The following EYS variants were observed in gnomAD, a reference collection of about 807,000 sequenced individuals.
The protein encoded by EYS is EGF-like photoreceptor maintenance factor, also known as protein eyes shut homolog.
In EYS, 250 loss-of-function variants were observed where a neutral mutation model predicts 282.1. The observed-to-expected ratio is 0.89, with a 90% CI of 0.80 to 0.98. EYS has a LOEUF of 0.98. Among genes scored for constraint, EYS ranks in the 50% least tolerant of loss-of-function variants. EYS has a pLI of 0.00. For synonymous variants in EYS, 1,355 were observed against 1,282.9 expected (o/e 1.06, Z -1.20); for missense variants, 4,016 against 3,709.0 (o/e 1.08, Z -2.15).
intron 30 of EYS, among the ~76,000 whole-genome samples, chr6:64,278,068 G>A (rs1194479035): frequency 2.0e-5 from 3 of 152,110 alleles, no homozygotes; most frequent in African/African-American, 7.2e-5. Flanking sequence ...CTATGTCAAA[G>A]AAGCTGTAGT....
intron 12 of EYS, among the ~76,000 whole-genome samples, chr6:65,208,928 C>T (rs565478350): frequency 1.3e-5 from 2 of 151,890 alleles, no homozygotes; most frequent in African/African-American, 2.4e-5. Context: ...TCACGTGCAT[C>T]CTGAATAAAA....
At chr6:64,088,020 G>A (rs1227750997) in intron 31 of EYS, among the ~76,000 whole-genome samples, 1 of 152,020 alleles carries the variant, frequency 6.6e-6, no homozygotes, top group Non-Finnish European at 1.5e-5. Flanking sequence ...CCTGTTTTCA[G>A]TGCTGACAGG....
Position 64,349,875 on chromosome 6 carries a change from G to A in EYS, c.6078+38815C>T, listed in dbSNP as rs145385118. ...GAGTAAAATATGTAGTTTTTTTCCCGTTTTGAAATATCTACTTGAAGAAGT... is the reference window on the plus strand; with the variant it reads ...GAGTAAAATATGTAGTTTTTTTCCCATTTTGAAATATCTACTTGAAGAAGT... On this transcript the variant is annotated intron_variant, in intron 29 of 42. Coordinates refer to ENST00000503581, the MANE Select transcript of EYS (RefSeq NM_001142800.2). Among the ~76,000 whole-genome samples the A allele has an allele frequency of 5.6e-3, 851 of 151,426 alleles. 2 individuals carry two copies. Among genetic ancestry groups the A allele is most frequent in the African/African-American group, 6.7e-3 (277 of 41,436 alleles).
intron 2 of EYS, among the ~76,000 whole-genome samples, chr6:65,561,485 AT>A (rs1272008499): frequency 2.6e-5 from 4 of 151,898 alleles, no homozygotes; most frequent in East Asian, 1.9e-4. Context: ...TATCTCTTAC[AT>A]TTTTTGTTGA....
chr6:64,369,544 T>C (rs984347692), intron 29 of EYS, among the ~76,000 whole-genome samples: 8 of 152,174 alleles, frequency 5.3e-5, no homozygotes, highest in Non-Finnish European at 7.4e-5. Context: ...TCTATGAGCA[T>C]GGAATGTGTT....
chr6:64,742,409 A>G (rs905905397), intron 22 of EYS, among the ~76,000 whole-genome samples: 2 of 152,218 alleles, frequency 1.3e-5, no homozygotes, highest in African/African-American at 4.8e-5. Flanking sequence ...AAATTACCAA[A>G]AAGTGACCCA....
Position 65,015,870 on chromosome 6 carries a change from TAAAAAAAAAAA to T in EYS, c.2138-18178_2138-18168del, listed in dbSNP as rs776971479. Among the ~76,000 whole-genome samples the T allele has an allele frequency of 7.7e-5, 4 of 52,032 alleles. No homozygotes were observed. The Admixed American group carries it at 8.5e-4, about 11-fold the overall frequency. The allele number at this position is 52,032 out of a possible 152,430, so 34.1% of individuals were successfully genotyped here. A position where few individuals can be genotyped will look rare whatever the true frequency, so the allele number is the denominator to read the frequency against. Reference sequence around the variant, plus strand: ...CAACATGGTGAAACCTCGTCTCTACTAAAAAAAAAAAAAAAAAAAAAAAAATTAGCTGGGCA... The same window carrying T: ...CAACATGGTGAAACCTCGTCTCTACTAAAAAAAAAAAAAATTAGCTGGGCA... On this transcript the variant is annotated intron_variant, in intron 13 of 42. Transcript: ENST00000503581.
intron 30 of EYS, among the ~76,000 whole-genome samples, chr6:64,266,400 A>G (rs1320167077): frequency 6.6e-6 from 1 of 152,058 alleles, no homozygotes; most frequent in African/African-American, 2.4e-5. Flanking sequence ...CCCAAAACTA[A>G]AAAAACCCGA....
rs571765464 is a variant in EYS, at chr6:64,082,791, G to T, written c.6425-789C>A. 3.3e-5 allele frequency among the ~76,000 whole-genome samples: 5 copies of T among 151,760 alleles called. No individual in the cohort carries two copies. The South Asian group carries it at 1.0e-3, about 31-fold the overall frequency. Reference sequence around the variant, plus strand: ...CACATAAAATTTAAAACATTTCATTGTTATAGATCTATATTCATATCTATT... The same window carrying T: ...CACATAAAATTTAAAACATTTCATTTTTATAGATCTATATTCATATCTATT... On this transcript the variant is annotated intron_variant, in intron 31 of 42. Coordinates refer to ENST00000503581, the MANE Select transcript of EYS (RefSeq NM_001142800.2).
intron 30 of EYS, among the ~76,000 whole-genome samples, chr6:64,239,789 T>C (rs1218593996): frequency 6.6e-6 from 1 of 152,208 alleles, no homozygotes; most frequent in Non-Finnish European, 1.5e-5. Flanking sequence ...TTAGCTTTTG[T>C]TGCTGTTGCT....
chr6:65,297,634 T>C (rs767270063), intron 11 of EYS, among the ~76,000 whole-genome samples: 1 of 152,130 alleles, frequency 6.6e-6, no homozygotes, highest in African/African-American at 2.4e-5. Flanking sequence ...TGCAAAATTC[T>C]CAGCTGCACA....
chr6:64,978,842 A>C (rs901732057), intron 14 of EYS, among the ~76,000 whole-genome samples: 3 of 151,924 alleles, frequency 2.0e-5, no homozygotes, highest in African/African-American at 7.2e-5. Context: ...AACTAGAATT[A>C]GAAGTGGAGC....
chr6:65,108,306 AT>A (rs67302229), intron 12 of EYS, among the ~76,000 whole-genome samples: 68,686 of 151,550 alleles, frequency 0.45, 16,158 homozygotes, highest in African/African-American at 0.53. Flanking sequence ...TACGCACTTT[AT>A]TTTTTTTGAG....
intron 13 of EYS, among the ~76,000 whole-genome samples, chr6:65,037,872 T>A (rs1381354918): frequency 1.3e-5 from 2 of 151,812 alleles, no homozygotes; most frequent in East Asian, 3.9e-4. Context: ...TATGTTTCTA[T>A]GCCTGTGTAT....
intron 29 of EYS, among the ~76,000 whole-genome samples, chr6:64,378,965 C>T (rs934300480): frequency 6.6e-6 from 1 of 152,142 alleles, no homozygotes; most frequent in Non-Finnish European, 1.5e-5. Flanking sequence ...TAACTAGATA[C>T]TGTTCAGTTT....
At chr6:65,059,905 T>G (rs1287305881) in intron 12 of EYS, among the ~76,000 whole-genome samples, 1 of 152,030 alleles carries the variant, frequency 6.6e-6, no homozygotes, top group Non-Finnish European at 1.5e-5. Context: ...CTTCTAAATT[T>G]CTGGTGAAGT....
At chr6:65,223,856 C>T (rs558253266) in intron 12 of EYS, among the ~76,000 whole-genome samples, 1 of 152,270 alleles carries the variant, frequency 6.6e-6, no homozygotes, top group South Asian at 2.1e-4. Flanking sequence ...ACATATAAGA[C>T]TGTACTCAAC....
At chr6:65,673,892 A>T (rs1768485617) in intron 1 of EYS, among the ~76,000 whole-genome samples, 1 of 151,998 alleles carries the variant, frequency 6.6e-6, no homozygotes, top group African/African-American at 2.4e-5. Context: ...TAGTTTCCTG[A>T]TATGAGTAAA....
chr6:64,085,982 T>A (rs1415047188), intron 31 of EYS, among the ~76,000 whole-genome samples: 1 of 152,206 alleles, frequency 6.6e-6, no homozygotes, highest in Non-Finnish European at 1.5e-5. Context: ...AACTTTCTCT[T>A]TCCTTGTCTT....
Sources: gnomAD v4.1 joint callset for allele counts (sites outside exome capture counted in the v4.1 genomes callset) on GRCh38, gnomAD v4.1.1 for gene constraint, MANE v1.5 for transcripts, NCBI Gene and HGNC (gene_info 2026-07-23, HGNC 2026-07-21) for gene names.